The following PREX2 variants were observed in gnomAD, a reference collection of about 807,000 sequenced individuals.
PREX2 encodes phosphatidylinositol-3,4,5-trisphosphate dependent Rac exchange factor 2.
In PREX2, 107 loss-of-function variants were observed where a neutral mutation model predicts 203.2. That is an observed-to-expected ratio of 0.53 (90% CI 0.45 to 0.62). PREX2 has a LOEUF of 0.62. Ranked by LOEUF, PREX2 falls within the 20% of genes least tolerant of loss-of-function variation. The probability of loss-of-function intolerance (pLI) is 0.00; values close to 1 mark genes in which losing one functional copy is unlikely to be tolerated. For missense variants in PREX2, 1,777 were observed against 1,955.9 expected, an observed-to-expected ratio of 0.91 and a Z score of 1.72; for synonymous variants, 672 against 663.6, an observed-to-expected ratio of 1.01 and a Z score of -0.19.
In PREX2 at chr8:67,952,194, GC is replaced by G; in HGVS notation, c.-195del. ...AGGAGTTTCCTCTGCAGAGCCCCGC[GC>G]CCCCCGCGCCGGGATTTCAGCCCGA... On this transcript the variant is annotated 5_prime_UTR_variant, in exon 1 of 40. It removes the in-frame stop codon of an upstream open reading frame in the 5' UTR. Transcript: ENST00000288368. 4.9e-6 allele frequency: 2 copies of G among 406,236 alleles called. No homozygotes were observed. Among genetic ancestry groups the G allele is most frequent in the Non-Finnish European group, 8.2e-6 (2 of 242,990 alleles). The allele number at this position is 406,236 out of a possible 1,614,324, so 25.2% of individuals were successfully genotyped here. A position where few individuals can be genotyped will look rare whatever the true frequency, so the allele number is the denominator to read the frequency against.
intron 1 of PREX2, among the ~76,000 whole-genome samples, chr8:68,008,992 C>G (rs1218834334): frequency 6.6e-6 from 1 of 152,126 alleles, no homozygotes; most frequent in Non-Finnish European, 1.5e-5. Context: ...AAGAATAAAA[C>G]AAGTTCATGT....
chr8:68,125,572 T>C (rs1348175099), intron 30 of PREX2, among the ~76,000 whole-genome samples: 1 of 152,126 alleles, frequency 6.6e-6, no homozygotes, highest in Non-Finnish European at 1.5e-5. Context: ...AGATTAATTA[T>C]ATGGTGTCCC....
Position 68,085,590 on chromosome 8 carries a change from A to G in PREX2, c.2028-2134A>G, listed in dbSNP as rs149939404. Among the ~76,000 whole-genome samples the G allele has an allele frequency of 1.6e-3, 243 of 152,258 alleles. 1 individual carries two copies. The highest frequency in any genetic ancestry group is 5.7e-3 in the African/African-American group (236 of 41,570). ...TTTTCAAAAGACTTTGTAGCAGATA[A>G]TTTAGTACACTTATTTTCTGTAGGA... On this transcript the variant is annotated intron_variant, in intron 18 of 39. Transcript: ENST00000288368.
chr8:68,204,903 GAT>G (rs1368283045), intron 37 of PREX2, among the ~76,000 whole-genome samples: 1 of 151,434 alleles, frequency 6.6e-6, no homozygotes, highest in Non-Finnish European at 1.5e-5. Flanking sequence ...GGATGGTCTC[GAT>G]CTCCTGACCT....
chr8:68,107,962 T>G (rs920254142), intron 23 of PREX2, 147 bp from the exon 24 acceptor site: 6 of 603,366 alleles, frequency 9.9e-6, no homozygotes, highest in African/African-American at 9.3e-5. Context: ...ACAATGGAAT[T>G]TCTAACAACA....
Position 68,157,341 on chromosome 8 carries a change from A to G in PREX2, c.4251A>G (p.Gly1417=). The change falls in exon 35 of 40, where the codon GGA becomes GGG. Residue 1417 remains glycine (G), a synonymous_variant. Transcript: ENST00000288368. ...ACACAGCACTAGAGAGCATGGAAGG[A>G]TATTATTACAGAGACAATGTTTCTG... ...LFAQALESME[G]YYYRDNVSVE... 1 of 1,606,414 alleles carries G rather than the reference A, an allele frequency of 6.2e-7. No homozygotes were observed. The highest frequency in any genetic ancestry group is 8.5e-7 in the Non-Finnish European group (1 of 1,173,388).
chr8:68,024,905 T>G lies in PREX2; in HGVS notation c.442-2317T>G, dbSNP rs530818986. ...TAATTCCAGTTAAAAGTAGGGGACA[T>G]TTGGCTATAATATTTCCTGAGTAGA... On this transcript the variant is annotated intron_variant, in intron 4 of 39. Transcript: ENST00000288368. Among the ~76,000 whole-genome samples the G allele has an allele frequency of 3.9e-5, 6 of 152,156 alleles. No homozygotes were observed. In the East Asian group the frequency reaches 1.2e-3, roughly 29 times the overall value.
chr8:68,228,705 G>A (rs1255525687), intron 39 of PREX2, among the ~76,000 whole-genome samples: 2 of 152,032 alleles, frequency 1.3e-5, no homozygotes, highest in African/African-American at 4.8e-5. Flanking sequence ...GGTGGAGGTT[G>A]CAGTGAGCCG....
intron 37 of PREX2, among the ~76,000 whole-genome samples, chr8:68,216,396 G>T (rs1812838878): frequency 6.6e-6 from 1 of 152,096 alleles, no homozygotes; most frequent in South Asian, 2.1e-4. Flanking sequence ...CTACAGGGAG[G>T]TAAATGCAAA....
intron 23 of PREX2, 58 bp from the exon 24 acceptor site, chr8:68,108,051 A>G (rs1810453563): frequency 2.6e-6 from 3 of 1,144,024 alleles, no homozygotes; most frequent in Admixed American, 2.5e-5. Context: ...AGTGAAAAAA[A>G]GATGCCTGAG....
At chr8:67,994,386 T>G (rs1038520811) in intron 1 of PREX2, among the ~76,000 whole-genome samples, 17 of 152,214 alleles carry the variant, frequency 1.1e-4, no homozygotes, top group African/African-American at 3.9e-4. Flanking sequence ...GGAATCACCT[T>G]AATATTGTAT....
At chr8:68,114,974 G>A (rs1810613568) in intron 25 of PREX2, among the ~76,000 whole-genome samples, 1 of 149,676 alleles carries the variant, frequency 6.7e-6, no homozygotes, top group Admixed American at 6.6e-5. Flanking sequence ...GCACTTTAAA[G>A]ATTACTGAGT....
At chr8:68,077,966 A>T (rs1809398562) in intron 15 of PREX2, among the ~76,000 whole-genome samples, 1 of 151,880 alleles carries the variant, frequency 6.6e-6, no homozygotes, top group Admixed American at 6.6e-5. Flanking sequence ...TTAAATGTTA[A>T]TTTTTTTTCT....
At chr8:68,215,310 G>A (rs749031419) in intron 37 of PREX2, among the ~76,000 whole-genome samples, 1 of 152,150 alleles carries the variant, frequency 6.6e-6, no homozygotes, top group Non-Finnish European at 1.5e-5. Flanking sequence ...GATAAAGCAA[G>A]TTCTGCTTTA....
intron 35 of PREX2, among the ~76,000 whole-genome samples, chr8:68,177,878 G>A (rs1327515876): frequency 6.6e-6 from 1 of 152,144 alleles, no homozygotes; most frequent in African/African-American, 2.4e-5. Flanking sequence ...TTACAAGTGA[G>A]AACATGCAGT....
chr8:68,037,113 T>G (rs1422607446), intron 6 of PREX2, among the ~76,000 whole-genome samples: 1 of 152,196 alleles, frequency 6.6e-6, no homozygotes, highest in Non-Finnish European at 1.5e-5. Context: ...GAGAAACTAT[T>G]ATCAGTGATT....
chr8:67,976,550 C>CAG (rs746647592), intron 1 of PREX2, among the ~76,000 whole-genome samples: 7 of 54,268 alleles, frequency 1.3e-4, no homozygotes, highest in Non-Finnish European at 1.8e-4. Context: ...GGGAGAGAGA[C>CAG]AGAGAGAGAG....
chr8:67,974,938 A>G (rs1210315842), intron 1 of PREX2, among the ~76,000 whole-genome samples: 1 of 152,186 alleles, frequency 6.6e-6, no homozygotes, highest in Non-Finnish European at 1.5e-5. Flanking sequence ...TCTCTGCTGC[A>G]TCCTGACTGT....
At chr8:68,006,893 CAT>C (rs1335697309) in intron 1 of PREX2, among the ~76,000 whole-genome samples, 1 of 152,140 alleles carries the variant, frequency 6.6e-6, no homozygotes, top group Non-Finnish European at 1.5e-5. Context: ...TAACAAAACT[CAT>C]AGACAAAGCT....
Sources: gnomAD v4.1 joint callset for allele counts (sites outside exome capture counted in the v4.1 genomes callset) on GRCh38, gnomAD v4.1.1 for gene constraint, MANE v1.5 for transcripts, NCBI Gene and HGNC (gene_info 2026-07-23, HGNC 2026-07-21) for gene names.